The following TCF4 variants were observed in gnomAD, a reference collection of about 807,000 sequenced individuals.
The protein encoded by TCF4 is transcription factor 4.
TCF4 carries 3 observed loss-of-function variants against 82.1 expected under a neutral mutation model. That is an observed-to-expected ratio of 0.04 (90% confidence interval 0.02 to 0.09). TCF4 has a LOEUF of 0.09. Among genes scored for constraint, TCF4 ranks in the 10% least tolerant of loss-of-function variants. The pLI is 1.00. For missense variants in TCF4, 518 were observed against 852.7 expected (o/e 0.61, Z 4.89); for synonymous variants, 276 against 309.6 (o/e 0.89, Z 1.14).
intron 3 of TCF4, among the ~76,000 whole-genome samples, chr18:55,513,574 A>C (rs2096850679): frequency 6.6e-6 from 1 of 152,122 alleles, no homozygotes; most frequent in African/African-American, 2.4e-5. Flanking sequence ...TAAATATCTA[A>C]CTACTCTCAA....
exon 1 of TCF4, chr18:55,635,709 G>A (rs567628303): frequency 3.9e-6 from 6 of 1,549,096 alleles, no homozygotes; most frequent in Non-Finnish European, 5.2e-6. Flanking sequence ...CTACCTCCAA[G>A]GGCCTCCTGG....
At chr18:55,564,015 T>G (rs919796506) in intron 3 of TCF4, among the ~76,000 whole-genome samples, 1 of 152,234 alleles carries the variant, frequency 6.6e-6, no homozygotes, top group Non-Finnish European at 1.5e-5. Context: ...GAATCATTTA[T>G]TAAGCAAATT....
chr18:55,303,739 G>GA (rs1200349635), intron 8 of TCF4, among the ~76,000 whole-genome samples: 1 of 152,012 alleles, frequency 6.6e-6, no homozygotes, highest in Admixed American at 6.6e-5. Context: ...GAAATGGACA[G>GA]AAAAAAGGAA....
At chr18:55,381,158 T>C (rs538677090) in intron 6 of TCF4, among the ~76,000 whole-genome samples, 8 of 152,320 alleles carry the variant, frequency 5.3e-5, no homozygotes, top group Non-Finnish European at 7.4e-5. Flanking sequence ...GGGAAATCAT[T>C]ATTAAATCTA....
At chr18:55,612,572 C>G (rs1023644366) in intron 2 of TCF4, among the ~76,000 whole-genome samples, 6 of 151,988 alleles carry the variant, frequency 3.9e-5, no homozygotes, top group African/African-American at 1.2e-4. Flanking sequence ...AAGTGAAACA[C>G]TCCACACTAT....
chr18:55,275,580 T>TA (rs749216299), intron 10 of TCF4, 39 bp downstream of exon 10: 2 of 1,613,376 alleles, frequency 1.2e-6, no homozygotes, highest in Non-Finnish European at 1.7e-6. Context: ...TTTAATCAAC[T>TA]AGCTGTGACA....
At chr18:55,386,228 T>A (rs764990237) in intron 6 of TCF4, among the ~76,000 whole-genome samples, 19 of 152,096 alleles carry the variant, frequency 1.2e-4, no homozygotes, top group Non-Finnish European at 2.6e-4. Flanking sequence ...ATCTGCTGAG[T>A]TCATTAGGGT....
At chr18:55,554,095 A>G (rs1220739684) in intron 3 of TCF4, among the ~76,000 whole-genome samples, 1 of 152,170 alleles carries the variant, frequency 6.6e-6, no homozygotes. Flanking sequence ...GAACAGATTT[A>G]ATGACTAAAA....
chr18:55,324,640 C>T (rs2076249187), intron 8 of TCF4, among the ~76,000 whole-genome samples: 1 of 152,078 alleles, frequency 6.6e-6, no homozygotes, highest in African/African-American at 2.4e-5. Context: ...GACAAGTTAC[C>T]TTGCCAGCAG....
At chr18:55,494,166 A>ACACACACACACAC (rs2096605718) in intron 3 of TCF4, among the ~76,000 whole-genome samples, 2 of 151,816 alleles carry the variant, frequency 1.3e-5, no homozygotes, top group Non-Finnish European at 2.9e-5. Flanking sequence ...GGACACACAC[A>ACACACACACACAC]CACACACACA....
intron 6 of TCF4, among the ~76,000 whole-genome samples, chr18:55,367,085 A>C (rs2087384637): frequency 6.6e-6 from 1 of 152,120 alleles, no homozygotes. Flanking sequence ...CTCCCTTAGG[A>C]CCCAAGGTGA....
chr18:55,503,492 T>C (rs1348273381), intron 3 of TCF4, among the ~76,000 whole-genome samples: 6 of 152,216 alleles, frequency 3.9e-5, no homozygotes, highest in Non-Finnish European at 8.8e-5. Context: ...ATAGAATAGA[T>C]GAATAAACTG....
intron 3 of TCF4, among the ~76,000 whole-genome samples, chr18:55,494,396 T>TA (rs1410974174): frequency 6.6e-6 from 1 of 152,046 alleles, no homozygotes; most frequent in Non-Finnish European, 1.5e-5. Context: ...ACTTCTCAGC[T>TA]AAATAGAGAG....
intron 3 of TCF4, among the ~76,000 whole-genome samples, chr18:55,567,439 T>C (rs2097419600): frequency 6.6e-6 from 1 of 152,198 alleles, no homozygotes. Flanking sequence ...AGATTTCGAA[T>C]ATTAGCAAAT....
chr18:55,246,937 A>G (rs533091287), intron 15 of TCF4, among the ~76,000 whole-genome samples: 1 of 152,172 alleles, frequency 6.6e-6, no homozygotes, highest in Non-Finnish European at 1.5e-5. Context: ...GTAACAGGGT[A>G]TTTAGAAAAT....
chr18:55,571,156 A>G (rs1265416005), intron 3 of TCF4, among the ~76,000 whole-genome samples: 4 of 152,216 alleles, frequency 2.6e-5, no homozygotes, highest in Non-Finnish European at 4.4e-5. Flanking sequence ...TTGTAGTTCC[A>G]AAAAAGAGGA....
intron 12 of TCF4, among the ~76,000 whole-genome samples, chr18:55,260,287 T>C (rs1404573718): frequency 6.6e-6 from 1 of 152,192 alleles, no homozygotes. Context: ...CAACTCTTCG[T>C]TCCTACTGGC....
intron 3 of TCF4, among the ~76,000 whole-genome samples, chr18:55,491,091 A>C (rs2096571117): frequency 6.6e-6 from 1 of 152,214 alleles, no homozygotes; most frequent in Non-Finnish European, 1.5e-5. Flanking sequence ...AAAACAATGA[A>C]AACTAATGAG....
chr18:55,626,175 T>A (rs2097726382), intron 2 of TCF4, among the ~76,000 whole-genome samples: 1 of 152,212 alleles, frequency 6.6e-6, no homozygotes, highest in Non-Finnish European at 1.5e-5. Context: ...GAAAAATAGA[T>A]GTCTGTTTCA....
Sources: gnomAD v4.1 joint callset for allele counts (sites outside exome capture counted in the v4.1 genomes callset) on GRCh38, gnomAD v4.1.1 for gene constraint, MANE v1.5 for transcripts, NCBI Gene and HGNC (gene_info 2026-07-23, HGNC 2026-07-21) for gene names.